The following WDR49 variants were observed in gnomAD, a reference collection of about 807,000 sequenced individuals.
WDR49 encodes the protein WD repeat domain 49.
WDR49 carries 107 observed loss-of-function variants against 119.5 expected under a neutral mutation model. The ratio of observed to expected loss-of-function variants is 0.90; its 90% CI spans 0.77 to 1.05. The LOEUF (loss-of-function observed/expected upper bound fraction) is 1.05. Ranked by LOEUF, WDR49 falls within the 50% of genes least tolerant of loss-of-function variation. WDR49 has a pLI of 0.00. For synonymous variants in WDR49, 425 were observed against 418.8 expected, an observed-to-expected ratio of 1.01 and a Z score of -0.18; for missense variants, 1,240 against 1,220.5, an observed-to-expected ratio of 1.02 and a Z score of -0.24.
At chr3:167,617,682 G>C (rs1200264931) in intron 5 of WDR49, among the ~76,000 whole-genome samples, 2 of 152,124 alleles carry the variant, frequency 1.3e-5, no homozygotes, top group Non-Finnish European at 2.9e-5. Context: ...GTGGGGATCT[G>C]TAATCTTCAA....
At chr3:167,569,560 C>G (rs1325038258) in intron 8 of WDR49, among the ~76,000 whole-genome samples, 1 of 151,466 alleles carries the variant, frequency 6.6e-6, no homozygotes, top group Non-Finnish European at 1.5e-5. Context: ...GAGCTGGGCA[C>G]AGTGCCTATG....
At chr3:167,559,228 G>T (rs1349323920) in intron 9 of WDR49, among the ~76,000 whole-genome samples, 1 of 152,094 alleles carries the variant, frequency 6.6e-6, no homozygotes, top group Non-Finnish European at 1.5e-5. Flanking sequence ...CAGCTTAACT[G>T]AGTGTATCAT....
chr3:167,558,604 A>G lies in WDR49; in HGVS notation c.1674+1460T>C, dbSNP rs372505682. Among the ~76,000 whole-genome samples, 43 of 152,192 alleles carry G rather than the reference A, an allele frequency of 2.8e-4. No individual in the cohort carries two copies. The South Asian group carries it at 8.1e-3, about 29-fold the overall frequency. ...CAGTTGAGACTTGAGGTGCACACAT[A>G]CTCTTCATCCATGTCGCTATGTTTT... is the stretch of plus-strand genomic sequence containing the variant. On this transcript the variant is annotated intron_variant, in intron 9 of 18. Transcript: ENST00000682715.
intron 7 of WDR49, among the ~76,000 whole-genome samples, chr3:167,600,587 C>A (rs961219299): frequency 6.6e-6 from 1 of 152,104 alleles, no homozygotes; most frequent in Non-Finnish European, 1.5e-5. Flanking sequence ...CTTGCTCCAT[C>A]CCTATTTTAC....
intron 5 of WDR49, among the ~76,000 whole-genome samples, chr3:167,607,378 G>A (rs906420819): frequency 6.6e-6 from 1 of 152,102 alleles, no homozygotes; most frequent in Non-Finnish European, 1.5e-5. Context: ...CCAACAGTAC[G>A]TTTCTTGCTT....
At chr3:167,549,385 C>T (rs1438577575) in intron 10 of WDR49, among the ~76,000 whole-genome samples, 1 of 152,164 alleles carries the variant, frequency 6.6e-6, no homozygotes, top group East Asian at 1.9e-4. Flanking sequence ...GATAGCCATT[C>T]TAACTGGTGT....
At chr3:167,620,633 C>T (rs1172293859) in intron 4 of WDR49, 30 bp from the exon 5 acceptor site, 10 of 1,505,094 alleles carry the variant, frequency 6.6e-6, no homozygotes, top group African/African-American at 1.4e-5. Flanking sequence ...GAACAACAAT[C>T]GTGGACGGGA....
At chr3:167,552,757 T>C (rs1320185178) in intron 10 of WDR49, among the ~76,000 whole-genome samples, 2 of 152,036 alleles carry the variant, frequency 1.3e-5, no homozygotes, top group African/African-American at 4.8e-5. Flanking sequence ...ATAACGTGTA[T>C]AAAGTGGCTA....
chr3:167,576,419 G>A (rs1264307217), intron 7 of WDR49, among the ~76,000 whole-genome samples: 1 of 152,148 alleles, frequency 6.6e-6, no homozygotes, highest in Non-Finnish European at 1.5e-5. Flanking sequence ...AGTGTTTGTT[G>A]TAGGCAGAAT....
At chr3:167,585,091 A>G (rs1236841292) in intron 7 of WDR49, among the ~76,000 whole-genome samples, 1 of 152,102 alleles carries the variant, frequency 6.6e-6, no homozygotes, top group Non-Finnish European at 1.5e-5. Context: ...CTTTCCTTAG[A>G]TAAATGGCAT....
chr3:167,546,987 T>G (rs1397799796), intron 10 of WDR49, among the ~76,000 whole-genome samples: 1 of 151,864 alleles, frequency 6.6e-6, no homozygotes, highest in East Asian at 1.9e-4. Flanking sequence ...TTCCCAAAAT[T>G]TGTAGAGTCA....
chr3:167,622,571 G>A lies in WDR49; in HGVS notation c.607-928C>T, dbSNP rs552915899. Among the ~76,000 whole-genome samples, 28 of 152,078 alleles carry A rather than the reference G, an allele frequency of 1.8e-4. No individual in the cohort carries two copies. The South Asian group carries it at 5.8e-3, about 32-fold the overall frequency. On this transcript the variant is annotated intron_variant, in intron 3 of 18. Transcript: ENST00000682715. ...AACAATACAGCCCCGTAATACAGAA[G>A]CAAAAACTAAAATTATTGAAGACAG...
intron 12 of WDR49, among the ~76,000 whole-genome samples, chr3:167,532,425 C>T (rs970864099): frequency 6.6e-5 from 10 of 152,142 alleles, no homozygotes; most frequent in Admixed American, 2.0e-4. Context: ...TAATGTTCCT[C>T]ATGGGCTTCT....
chr3:167,534,173 C>T (rs190914494), intron 11 of WDR49, among the ~76,000 whole-genome samples: 28 of 151,902 alleles, frequency 1.8e-4, no homozygotes, highest in Admixed American at 3.9e-4. Flanking sequence ...CCAGCCTGGG[C>T]GACAGAGTGA....
rs777057268 is a variant in WDR49 at position 167,536,980 on chromosome 3, G to A, written c.1844C>T (p.Pro615Leu). ...TIGRAITVFR[P>L]QNFNQFFIQP... ...GATGAAAAATTGATTGAAGTTTTGG[G>A]GTCGAAACACAGTAATAGCCCTAGC... Residue 615 changes from proline to leucine, a missense_variant, in exon 11 of 19, where the codon CCC becomes CTC. By Grantham distance (98) the Pro-to-Leu change is moderately conservative. Transcript: ENST00000682715. 1.4e-5 allele frequency: 23 copies of A among 1,586,670 alleles called. No individual in the cohort carries two copies. The highest frequency in any genetic ancestry group is 1.7e-4 in the Middle Eastern group (1 of 5,976).
intron 16 of WDR49, among the ~76,000 whole-genome samples, chr3:167,515,091 C>CA (rs1752149498): frequency 6.6e-6 from 1 of 151,998 alleles, no homozygotes; most frequent in Non-Finnish European, 1.5e-5. Flanking sequence ...GAAACTATTC[C>CA]AAAAAATTGA....
In WDR49 at chr3:167,604,413, A is replaced by C; in HGVS notation, c.1014T>G (p.Asn338Lys). Residue 338 changes from asparagine to lysine, a missense_variant, in exon 6 of 19, where the codon AAT becomes AAG. Asn to Lys is a moderately conservative substitution (Grantham distance 94). Coordinates refer to ENST00000682715, the MANE Select transcript of WDR49 (RefSeq NM_001366157.1). ...AIISSTTSNTNSVVMAWREKS... is the reference protein window; with the variant it reads ...AIISSTTSNTKSVVMAWREKS... ...TCTCTCTCCAAGCCATCACCACACT[A>C]TTTGTATTGCTGGTTGTACTGGAAA... The C allele has an allele frequency of 6.2e-7, 1 of 1,613,552 alleles. No individual in the cohort carries two copies. Among genetic ancestry groups the C allele is most frequent in the East Asian group, 2.2e-5 (1 of 44,802 alleles).
intron 18 of WDR49, among the ~76,000 whole-genome samples, chr3:167,480,247 TAAAAA>T (rs1162973369): frequency 7.3e-5 from 4 of 55,094 alleles, no homozygotes; most frequent in East Asian, 5.9e-4. Context: ...AGACTCTGTC[TAAAAA>T]AAAAAAAAAA....
At chr3:167,498,468 G>T (rs1751443119) in intron 18 of WDR49, among the ~76,000 whole-genome samples, 2 of 152,080 alleles carry the variant, frequency 1.3e-5, no homozygotes, top group African/African-American at 2.4e-5. Flanking sequence ...GGTGAGAGGG[G>T]TAGCCAATTT....
Sources: allele counts gnomAD v4.1 joint callset (sites outside exome capture counted in the v4.1 genomes callset), GRCh38; gene constraint gnomAD v4.1.1; transcripts MANE v1.5; gene names NCBI Gene and HGNC (gene_info 2026-07-23, HGNC 2026-07-21).